The following OSBPL1A variants were observed in gnomAD, a reference collection of about 807,000 sequenced individuals.
OSBPL1A encodes the protein oxysterol-binding protein-related protein 1.
A neutral mutation model predicts 137.1 loss-of-function variants in OSBPL1A; 80 were observed. The ratio of observed to expected loss-of-function variants is 0.58; its 90% confidence interval spans 0.49 to 0.70. The LOEUF (loss-of-function observed/expected upper bound fraction) is 0.70. Ranked by LOEUF, OSBPL1A falls within the 30% of genes least tolerant of loss-of-function variation. OSBPL1A has a pLI of 0.00. For missense variants in OSBPL1A, 970 were observed against 1,129.4 expected (o/e 0.86, Z 2.02); for synonymous variants, 365 against 389.7 (o/e 0.94, Z 0.75).
intron 1 of OSBPL1A, among the ~76,000 whole-genome samples, chr18:24,394,234 T>C (rs1240302466): frequency 6.6e-6 from 1 of 152,186 alleles, no homozygotes; most frequent in Non-Finnish European, 1.5e-5. Flanking sequence ...ATCCATTCCA[T>C]ACCCACACCA....
chr18:24,166,509 C>A (rs2086148397), intron 26 of OSBPL1A, 70 bp downstream of exon 26: 1 of 1,528,778 alleles, frequency 6.5e-7, no homozygotes, highest in African/African-American at 1.4e-5. Flanking sequence ...CTAACAATCA[C>A]CAGGAATAAA....
At chr18:24,231,193 T>C (rs111946554) in intron 16 of OSBPL1A, among the ~76,000 whole-genome samples, 2,049 of 152,294 alleles carry the variant, frequency 0.013, 41 homozygotes, top group African/African-American at 0.047. Flanking sequence ...CCTGATTAGT[T>C]CCTCAATTAA....
At chr18:24,365,604 G>A (rs2091693341) in intron 4 of OSBPL1A, among the ~76,000 whole-genome samples, 1 of 151,400 alleles carries the variant, frequency 6.6e-6, no homozygotes, top group African/African-American at 2.4e-5. Flanking sequence ...AAAAAGTTTA[G>A]GAAAGGCAAA....
At chr18:24,289,418 GTTTT>G (rs536281272) in intron 14 of OSBPL1A, among the ~76,000 whole-genome samples, 19 of 94,208 alleles carry the variant, frequency 2.0e-4, no homozygotes, top group Non-Finnish European at 3.0e-4. Flanking sequence ...GTTTTTTCCT[GTTTT>G]TTTTTTTTTT....
intron 17 of OSBPL1A, among the ~76,000 whole-genome samples, chr18:24,203,417 A>G (rs905519640): frequency 9.2e-5 from 14 of 152,186 alleles, no homozygotes; most frequent in African/African-American, 2.9e-4. Flanking sequence ...AAGGGTATAC[A>G]GGTATGTGCA....
At chr18:24,282,075 C>CA (rs953685779) in intron 14 of OSBPL1A, among the ~76,000 whole-genome samples, 1 of 151,752 alleles carries the variant, frequency 6.6e-6, no homozygotes, top group African/African-American at 2.4e-5. Context: ...CCCCACCCCC[C>CA]ACTCCCAACC....
chr18:24,248,516 T>A (rs959895971), intron 15 of OSBPL1A, among the ~76,000 whole-genome samples: 1 of 152,186 alleles, frequency 6.6e-6, no homozygotes, highest in African/African-American at 2.4e-5. Flanking sequence ...CCTCTGCATA[T>A]CTCTTCACTC....
intron 7 of OSBPL1A, among the ~76,000 whole-genome samples, chr18:24,320,807 C>A (rs1255611043): frequency 6.6e-6 from 1 of 151,980 alleles, no homozygotes; most frequent in Non-Finnish European, 1.5e-5. Flanking sequence ...GTGGGCAGAT[C>A]ACCTTAGGTC....
chr18:24,281,775 C>T (rs2089964312), intron 14 of OSBPL1A, among the ~76,000 whole-genome samples: 1 of 152,186 alleles, frequency 6.6e-6, no homozygotes, highest in Non-Finnish European at 1.5e-5. Context: ...ATGGAGCCTT[C>T]TCCTAGAAAG....
intron 1 of OSBPL1A, 190 bp downstream of exon 1, chr18:24,397,465 G>C (rs1599749995): frequency 6.6e-6 from 1 of 152,272 alleles, no homozygotes; most frequent in East Asian, 1.9e-4. Context: ...GCCAGCGGCC[G>C]CCGGGAAGCC....
At position 24,235,850 on chromosome 18, in the gene OSBPL1A, T is replaced by C. The variant is rs565524430; in HGVS notation, c.1444+3370A>G. On this transcript the variant is annotated intron_variant, in intron 16 of 27. Transcript: ENST00000319481. ...ATTAATAAAAGGGACTTTGCAGATA[T>C]GATTAAGTTACGTATATTGAGATGG... is the stretch of plus-strand genomic sequence containing the variant. 9.0e-4 allele frequency among the ~76,000 whole-genome samples: 137 copies of C among 152,328 alleles called. 1 individual carries two copies. Among genetic ancestry groups the C allele is most frequent in the African/African-American group, 3.1e-3 (130 of 41,580 alleles).
chr18:24,188,254 G>A (rs761905996), intron 18 of OSBPL1A, among the ~76,000 whole-genome samples: 16 of 152,126 alleles, frequency 1.1e-4, no homozygotes, highest in Non-Finnish European at 1.6e-4. Context: ...GCAATGCTGC[G>A]TGCACTGCCA....
At chr18:24,205,186 C>A (rs1327898270) in intron 17 of OSBPL1A, among the ~76,000 whole-genome samples, 5 of 152,182 alleles carry the variant, frequency 3.3e-5, no homozygotes, top group Non-Finnish European at 7.3e-5. Flanking sequence ...TTCTTTAACT[C>A]CACAGCCGTC....
intron 4 of OSBPL1A, among the ~76,000 whole-genome samples, chr18:24,361,283 C>T (rs931483319): frequency 2.6e-5 from 4 of 152,184 alleles, no homozygotes; most frequent in African/African-American, 7.2e-5. Context: ...TGCCTCAGCG[C>T]CCCAAAGTGC....
intron 15 of OSBPL1A, among the ~76,000 whole-genome samples, chr18:24,258,702 A>T (rs2089355748): frequency 6.6e-6 from 1 of 152,184 alleles, no homozygotes; most frequent in African/African-American, 2.4e-5. Flanking sequence ...GTATGCCTGC[A>T]TCAAAATATC....
At chr18:24,255,914 C>T (rs1227440882) in intron 15 of OSBPL1A, among the ~76,000 whole-genome samples, 1 of 152,078 alleles carries the variant, frequency 6.6e-6, no homozygotes, top group African/African-American at 2.4e-5. Context: ...CCTGCCTCAG[C>T]CCCCCAAGTA....
At chr18:24,312,991 G>A (rs1165992014) in intron 12 of OSBPL1A, among the ~76,000 whole-genome samples, 1 of 151,532 alleles carries the variant, frequency 6.6e-6, no homozygotes, top group Non-Finnish European at 1.5e-5. Flanking sequence ...AGGCATGGTG[G>A]TACATGCCTG....
At position 24,360,398 on chromosome 18, in the gene OSBPL1A, T is replaced by A. The variant is rs191281037; in HGVS notation, c.282+6494A>T. Reference sequence around the variant, plus strand: ...GATCATAAGATATTTTAAAATTATCTTCATGGTAAATGATCACATAGGAAT... The same window carrying A: ...GATCATAAGATATTTTAAAATTATCATCATGGTAAATGATCACATAGGAAT... On this transcript the variant is annotated intron_variant, in intron 4 of 27. Coordinates refer to ENST00000319481, the MANE Select transcript of OSBPL1A (RefSeq NM_080597.4). 2.3e-4 allele frequency among the ~76,000 whole-genome samples: 35 copies of A among 152,348 alleles called. No individual in the cohort carries two copies. The East Asian group carries it at 4.2e-3, about 18-fold the overall frequency.
chr18:24,238,100 C>T (rs1323295052), intron 16 of OSBPL1A, among the ~76,000 whole-genome samples: 1 of 152,210 alleles, frequency 6.6e-6, no homozygotes, highest in Non-Finnish European at 1.5e-5. Context: ...TTTCCATGTA[C>T]TGTATTACCA....
Sources: allele counts gnomAD v4.1 joint callset (sites outside exome capture counted in the v4.1 genomes callset), GRCh38; gene constraint gnomAD v4.1.1; transcripts MANE v1.5; gene names NCBI Gene and HGNC (gene_info 2026-07-23, HGNC 2026-07-21).